NCALD: variants seen among roughly 807,000 people sequenced by gnomAD.
NCALD encodes neurocalcin delta, also known as neurocalcin-delta.
NCALD carries 10 observed loss-of-function variants against 18.6 expected under a neutral mutation model. The ratio of observed to expected loss-of-function variants is 0.54; its 90% CI spans 0.33 to 0.91. NCALD has a LOEUF of 0.91. Among genes scored for constraint, NCALD ranks in the 40% least tolerant of loss-of-function variants. The pLI is 0.03. For missense variants in NCALD, 184 were observed against 247.6 expected (o/e 0.74, Z 1.72); for synonymous variants, 88 against 87.4 (o/e 1.01, Z -0.04).
intron 1 of NCALD, among the ~76,000 whole-genome samples, chr8:102,077,263 A>T (rs1166940323): frequency 6.6e-6 from 1 of 152,174 alleles, no homozygotes; most frequent in Non-Finnish European, 1.5e-5. Context: ...CTGCCTGGAG[A>T]AGAACTGACT....
chr8:101,764,777 G>A (rs1447179078), intron 1 of NCALD, among the ~76,000 whole-genome samples: 1 of 152,278 alleles, frequency 6.6e-6, no homozygotes, highest in East Asian at 1.9e-4. Flanking sequence ...TAATAGTTTT[G>A]CAATGTAGAC....
chr8:101,901,668 A>T (rs777692069), intron 3 of NCALD, among the ~76,000 whole-genome samples: 4 of 152,176 alleles, frequency 2.6e-5, no homozygotes, highest in Non-Finnish European at 4.4e-5. Context: ...TTATCTACGT[A>T]CATCAAGAAC....
At chr8:101,873,791 T>A (rs956589736) in intron 4 of NCALD, among the ~76,000 whole-genome samples, 1 of 152,220 alleles carries the variant, frequency 6.6e-6, no homozygotes, top group Non-Finnish European at 1.5e-5. Context: ...TGTTAGCCTA[T>A]GAATCACCAG....
Position 101,851,760 on chromosome 8 carries a change from T to C in NCALD, c.-20+35381A>G, listed in dbSNP as rs112811674. 2.0e-3 allele frequency among the ~76,000 whole-genome samples: 302 copies of C among 152,230 alleles called. 1 individual carries two copies. Among genetic ancestry groups the C allele is most frequent in the Non-Finnish European group, 3.4e-3 (231 of 68,000 alleles). ...TGCTAAGTACTTAGAGTACACTATC[T>C]CATTTAATCTTTACAACAGCTCCAT... is the stretch of plus-strand genomic sequence containing the variant. On this transcript the variant is annotated intron_variant, in intron 4 of 6. Transcript: ENST00000311028.
At chr8:101,958,857 T>A (rs1375018192) in intron 2 of NCALD, among the ~76,000 whole-genome samples, 1 of 152,180 alleles carries the variant, frequency 6.6e-6, no homozygotes, top group African/African-American at 2.4e-5. Context: ...ATATTTTAAA[T>A]GTATTATTTG....
chr8:102,011,465 G>A (rs953515086), intron 2 of NCALD, among the ~76,000 whole-genome samples: 1 of 152,278 alleles, frequency 6.6e-6, no homozygotes. Context: ...GTTTCTTGAG[G>A]ACAGAAACTG....
intron 2 of NCALD, among the ~76,000 whole-genome samples, chr8:101,984,025 G>A (rs1011989520): frequency 6.6e-6 from 1 of 152,160 alleles, no homozygotes; most frequent in Non-Finnish European, 1.5e-5. Flanking sequence ...AATATGCTAT[G>A]TTTCCTGCCT....
intron 3 of NCALD, among the ~76,000 whole-genome samples, chr8:101,898,278 C>T (rs923555569): frequency 1.3e-5 from 2 of 152,254 alleles, no homozygotes; most frequent in Non-Finnish European, 2.9e-5. Flanking sequence ...ATTTGCATTT[C>T]CCCAGTAGCT....
intron 2 of NCALD, among the ~76,000 whole-genome samples, chr8:101,956,901 T>G (rs1819649135): frequency 6.6e-6 from 1 of 152,222 alleles, no homozygotes; most frequent in South Asian, 2.1e-4. Context: ...ACCTGAAGTT[T>G]ACAATTTAAT....
At chr8:102,038,357 C>T (rs935010764) in intron 1 of NCALD, among the ~76,000 whole-genome samples, 2 of 152,172 alleles carry the variant, frequency 1.3e-5, no homozygotes, top group African/African-American at 2.4e-5. Context: ...TCTCAAAGAA[C>T]AATCCCTGCT....
At chr8:101,934,593 G>A (rs1818692931) in intron 2 of NCALD, among the ~76,000 whole-genome samples, 1 of 152,034 alleles carries the variant, frequency 6.6e-6, no homozygotes, top group African/African-American at 2.4e-5. Context: ...GAAGGAGGGA[G>A]TTCAGTAAGA....
At chr8:101,962,663 A>G (rs1349501030) in intron 2 of NCALD, among the ~76,000 whole-genome samples, 1 of 152,236 alleles carries the variant, frequency 6.6e-6, no homozygotes, top group Non-Finnish European at 1.5e-5. Context: ...CTGCATTTAT[A>G]GGATCCCCAG....
chr8:102,106,447 A>ATATATATATATG (rs760301663), intron 1 of NCALD, among the ~76,000 whole-genome samples: 1 of 84,832 alleles, frequency 1.2e-5, no homozygotes, highest in Non-Finnish European at 2.9e-5. Flanking sequence ...AGCATATAGT[A>ATATATATATATG]TATATATATA....
At chr8:102,030,878 A>AAAAT (rs71268540) in intron 1 of NCALD, among the ~76,000 whole-genome samples, 31,647 of 149,356 alleles carry the variant, frequency 0.21, 3,619 homozygotes, top group Middle Eastern at 0.28. Context: ...TCCATCACAA[A>AAAAT]AAATAAATAA....
At chr8:102,030,480 C>A (rs1586949833) in intron 1 of NCALD, among the ~76,000 whole-genome samples, 1 of 152,262 alleles carries the variant, frequency 6.6e-6, no homozygotes, top group East Asian at 1.9e-4. Flanking sequence ...GTATATAAAC[C>A]TTTGGAGGAT....
rs186482740 is a variant in NCALD, at chr8:101,701,657, T to A, written c.379-8761A>T. ...TCTGCATTGATCAAGGTTGTGCAATTAACTGAGGGCAGGCAAAATTCCAAG... is the reference window on the plus strand; with the variant it reads ...TCTGCATTGATCAAGGTTGTGCAATAAACTGAGGGCAGGCAAAATTCCAAG... On this transcript the variant is annotated intron_variant, in intron 2 of 3. Transcript: ENST00000220931. Among the ~76,000 whole-genome samples, 88 of 152,296 alleles carry A rather than the reference T, an allele frequency of 5.8e-4. No individual in the cohort carries two copies. The East Asian group carries it at 0.016, about 27-fold the overall frequency.
intron 1 of NCALD, among the ~76,000 whole-genome samples, chr8:101,744,357 C>A (rs1333413439): frequency 2.0e-5 from 3 of 152,190 alleles, no homozygotes; most frequent in African/African-American, 4.8e-5. Flanking sequence ...GAAACCAGAG[C>A]ATTTTAAACA....
At chr8:102,083,308 T>G (rs1225294945) in intron 1 of NCALD, among the ~76,000 whole-genome samples, 3 of 152,218 alleles carry the variant, frequency 2.0e-5, no homozygotes, top group African/African-American at 7.2e-5. Context: ...CAGCTCGGCA[T>G]GATTTTGGCT....
chr8:101,791,624 C>T (rs1026288887), upstream of NCALD, among the ~76,000 whole-genome samples: 4 of 152,142 alleles, frequency 2.6e-5, no homozygotes, highest in Admixed American at 1.3e-4. Flanking sequence ...AGGATGTAGA[C>T]ATCAGATAAC....
Sources: allele counts gnomAD v4.1 joint callset (sites outside exome capture counted in the v4.1 genomes callset), GRCh38; gene constraint gnomAD v4.1.1; transcripts MANE v1.5; gene names NCBI Gene and HGNC (gene_info 2026-07-23, HGNC 2026-07-21).